Variants in ELMO2 observed in about 807,000 individuals in gnomAD.
ELMO2 encodes engulfment and cell motility protein 2.
In ELMO2, 37 loss-of-function variants were observed where a neutral mutation model predicts 96.2. The observed-to-expected ratio is 0.38, with a 90% CI of 0.30 to 0.51. The LOEUF (loss-of-function observed/expected upper bound fraction) is 0.51, where lower values mean the gene tolerates loss of function less well. ELMO2 is among the 20% of genes least tolerant of loss of function. ELMO2 has a pLI of 0.88. For synonymous variants in ELMO2, 315 were observed against 329.4 expected (o/e 0.96, Z 0.47); for missense variants, 561 against 912.6 (o/e 0.61, Z 4.96).
At chr20:46,384,807 A>T (rs1470090187) in intron 9 of ELMO2, among the ~76,000 whole-genome samples, 10 of 151,926 alleles carry the variant, frequency 6.6e-5, no homozygotes, top group East Asian at 3.9e-4. Context: ...AAAATAAAAA[A>T]AAAAAAAAAA....
In ELMO2 at chr20:46,386,242, C is replaced by T. The variant is rs758899161; in HGVS notation, c.559G>A (p.Val187Met). The T allele has an allele frequency of 1.2e-5, 19 of 1,613,976 alleles. No individual in the cohort carries two copies. The Admixed American group carries it at 1.3e-4, about 11-fold the overall frequency. ...GCCAGGGACCTCTGAAGGATTGACA[C>T]GTCCACCATGGGCTGGCTCACATAC... ...AGYVSQPMVD[V>M]SILQRSLAIL... Residue 187 changes from valine (V) to methionine (M), a missense_variant, in exon 9 of 22, where the codon GTG becomes ATG. Coordinates refer to ENST00000290246, the MANE Select transcript of ELMO2 (RefSeq NM_133171.5).
At position 46,389,098 on chromosome 20, in the gene ELMO2, G is replaced by A. The variant is rs746138814; in HGVS notation, c.366C>T (p.Asn122=). 2 of 1,614,166 alleles carry A rather than the reference G, an allele frequency of 1.2e-6. No individual in the cohort carries two copies. The highest frequency in any genetic ancestry group is 1.7e-6 in the Non-Finnish European group (2 of 1,180,008). Residue 122 remains asparagine (N), a synonymous_variant, in exon 7 of 22, where the codon AAC becomes AAT. Coordinates refer to ENST00000290246, the MANE Select transcript of ELMO2 (RefSeq NM_133171.5). ...TTGTCAGCACAATGATGCCATCCATGTTGATGAACTCAGTAGCGAAAGTCA... is the reference window on the plus strand; with the variant it reads ...TTGTCAGCACAATGATGCCATCCATATTGATGAACTCAGTAGCGAAAGTCA... ...ADVTFATEFI[N]MDGIIVLTRL... is the part of the protein sequence containing the mutation.
At chr20:46,370,332 A>G (rs2059676939) in intron 20 of ELMO2, 111 bp downstream of exon 20, 3 of 975,474 alleles carry the variant, frequency 3.1e-6, no homozygotes, top group Non-Finnish European at 5.0e-6. Flanking sequence ...TTAATAAAAC[A>G]TTCAGGAATA....
intron 1 of ELMO2, among the ~76,000 whole-genome samples, chr20:46,401,981 G>A (rs952523802): frequency 1.4e-4 from 22 of 152,192 alleles, no homozygotes; most frequent in African/African-American, 2.4e-5. Context: ...AGCAGCGGCA[G>A]TATCCCTGGG....
intron 9 of ELMO2, among the ~76,000 whole-genome samples, chr20:46,385,717 T>C (rs545227437): frequency 2.0e-5 from 3 of 152,188 alleles, no homozygotes; most frequent in Non-Finnish European, 4.4e-5. Flanking sequence ...AAACAGGGGA[T>C]ACAACAATGA....
At chr20:46,379,485 C>T (rs1208132981) in intron 11 of ELMO2, among the ~76,000 whole-genome samples, 1 of 152,172 alleles carries the variant, frequency 6.6e-6, no homozygotes, top group Non-Finnish European at 1.5e-5. Context: ...CTTTCATGTG[C>T]TCTTTCTAAA....
At chr20:46,401,707 A>C (rs148066735) in intron 1 of ELMO2, among the ~76,000 whole-genome samples, 102 of 152,208 alleles carry the variant, frequency 6.7e-4, no homozygotes, top group African/African-American at 2.4e-3. Flanking sequence ...TTCCCTGAAA[A>C]ACCATGCTCT....
At chr20:46,370,173 T>C (rs1336572613) in intron 20 of ELMO2, 1 of 590,490 alleles carries the variant, frequency 1.7e-6, no homozygotes, top group East Asian at 3.6e-5. Flanking sequence ...GTACACTAAA[T>C]ATTTACAGAT....
rs2059680912 is a variant in ELMO2 at position 46,370,488 on chromosome 20, T to C, written c.1839A>G (p.Lys613=). The part of the protein sequence containing the change: ...VADIKAIVTG[K]DCPHMKEKSA... ...TTTTCTCTTTCATGTGGGGACAATC[T>C]TTCCCAGTGACAATGGCCTTAATGT... is the stretch of plus-strand genomic sequence containing the variant. The change falls in exon 20 of 22, where the codon AAA becomes AAG. Residue 613 remains lysine, a synonymous_variant. Transcript: ENST00000290246. 6.2e-7 allele frequency: 1 copy of C among 1,614,070 alleles called. No homozygotes were observed. The highest frequency in any genetic ancestry group is 8.5e-7 in the Non-Finnish European group (1 of 1,180,042).
At chr20:46,392,231 C>T (rs1295415726) in intron 6 of ELMO2, among the ~76,000 whole-genome samples, 3 of 152,212 alleles carry the variant, frequency 2.0e-5, no homozygotes, top group African/African-American at 7.2e-5. Flanking sequence ...GTTCTTTCTA[C>T]CCTTCTGGTT....
chr20:46,397,658 G>A (rs1219354203), intron 2 of ELMO2, among the ~76,000 whole-genome samples: 2 of 152,102 alleles, frequency 1.3e-5, no homozygotes, highest in Non-Finnish European at 2.9e-5. Context: ...GCGACGGAAT[G>A]AGACTCCATC....
intron 7 of ELMO2, among the ~76,000 whole-genome samples, chr20:46,388,231 G>A (rs8125873): frequency 0.055 from 8,395 of 152,272 alleles, 734 homozygotes; most frequent in African/African-American, 0.19. Flanking sequence ...ACCCTTGGGA[G>A]ACTGTAGAAC....
intron 9 of ELMO2, 48 bp from the exon 10 acceptor site, chr20:46,383,542 G>T: frequency 6.8e-7 from 1 of 1,470,132 alleles, no homozygotes; most frequent in Non-Finnish European, 9.5e-7. Context: ...AGACTGAACA[G>T]CAAGATGATG....
At chr20:46,397,624 T>C (rs1455582559) in intron 2 of ELMO2, among the ~76,000 whole-genome samples, 1 of 152,254 alleles carries the variant, frequency 6.6e-6, no homozygotes, top group Non-Finnish European at 1.5e-5. Context: ...TGAGCACAGA[T>C]TGCACCATTA....
In ELMO2 at chr20:46,375,142, C is replaced by CAT; in HGVS notation, c.1065+92_1065+93dup. 1 of 1,498,418 alleles carries CAT rather than the reference C, an allele frequency of 6.7e-7. No homozygotes were observed. The highest frequency in any genetic ancestry group is 9.0e-7 in the Non-Finnish European group (1 of 1,115,714). The allele number at this position is 1,498,418 out of a possible 1,614,324, so 92.8% of individuals were successfully genotyped here. On this transcript the variant is annotated intron_variant, in intron 13 of 21. Transcript: ENST00000290246. This position sits in a 1 kb window ranked among gnomAD's most constrained non-coding sequence, Gnocchi z 4.6. Reference sequence around the variant, plus strand: ...TAACTGTCATCTATTCCAGGGCCACCATGGGGTTGGTTGTCAGAGCTCTGT... The same window carrying CAT: ...TAACTGTCATCTATTCCAGGGCCACCATATGGGGTTGGTTGTCAGAGCTCTGT...
intron 4 of ELMO2, among the ~76,000 whole-genome samples, 185 bp from the exon 5 acceptor site, chr20:46,393,786 A>T (rs1435910375): frequency 6.6e-6 from 1 of 152,202 alleles, no homozygotes; most frequent in Non-Finnish European, 1.5e-5. Context: ...TGAGCACCAC[A>T]ATAGGAGGTG....
At chr20:46,400,457 C>G (rs898453853) in intron 1 of ELMO2, among the ~76,000 whole-genome samples, 5 of 152,232 alleles carry the variant, frequency 3.3e-5, no homozygotes, top group Non-Finnish European at 7.3e-5. Context: ...GCAAAATTCT[C>G]AGGGTTATAA....
Position 46,375,538 on chromosome 20 carries a change from T to C in ELMO2, c.930+130A>G. On this transcript the variant is annotated intron_variant, in intron 12 of 21. Coordinates refer to ENST00000290246, the MANE Select transcript of ELMO2 (RefSeq NM_133171.5). This position sits in a 1 kb window ranked among gnomAD's most constrained non-coding sequence, Gnocchi z 4.6. ...AAATGGGCTTGGCTCATGGTGCAGA[T>C]CATGCTAGATTTTCTAGGGCAGATG... 1 of 1,508,196 alleles carries C rather than the reference T, an allele frequency of 6.6e-7. No homozygotes were observed. Among genetic ancestry groups the C allele is most frequent in the African/African-American group, 1.4e-5 (1 of 72,740 alleles). 93.4% of individuals were successfully genotyped at this position (1,508,196 alleles called of 1,614,324 possible). A position where few individuals can be genotyped will look rare whatever the true frequency, so the allele number is the denominator to read the frequency against.
chr20:46,377,892 G>A (rs1445108257), intron 11 of ELMO2, among the ~76,000 whole-genome samples: 1 of 151,980 alleles, frequency 6.6e-6, no homozygotes, highest in African/African-American at 2.4e-5. Flanking sequence ...TCTCTCTCAT[G>A]GCCAGGGGCT....
Sources: allele counts gnomAD v4.1 joint callset (sites outside exome capture counted in the v4.1 genomes callset), GRCh38; gene constraint gnomAD v4.1.1; non-coding constraint Gnocchi (gnomAD v3.1); transcripts MANE v1.5; gene names NCBI Gene and HGNC (gene_info 2026-07-23, HGNC 2026-07-21).